The following ODAD3 variants were observed in gnomAD, a reference collection of about 807,000 sequenced individuals.
The protein encoded by ODAD3 is outer dynein arm-docking complex subunit 3.
A neutral mutation model predicts 70.9 loss-of-function variants in ODAD3; 57 were observed. The ratio of observed to expected loss-of-function variants is 0.80; its 90% confidence interval spans 0.65 to 1.00. ODAD3 has a LOEUF of 1.00. ODAD3 is among the 50% of genes least tolerant of loss of function. The pLI is 0.00. For missense variants in ODAD3, 797 were observed against 763.9 expected (o/e 1.04, Z -0.51); for synonymous variants, 327 against 315.9 (o/e 1.04, Z -0.37).
Position 11,426,199 on chromosome 19 carries a change from T to G in ODAD3, c.908A>C (p.Glu303Ala), listed in dbSNP as rs369892977. Residue 303 changes from glutamate (E) to alanine (A), a missense_variant, in exon 7 of 13, where the codon GAG becomes GCG. Transcript: ENST00000356392. ...CTTCTCCTCGGCGCGCTTCTTGCAC[T>G]CACTTATGTAGCGTTCCCGCTTCTT... ...ERKKRERYIS[E>A]CKKRAEEKKL... 3.1e-6 allele frequency: 5 copies of G among 1,613,774 alleles called. No homozygotes were observed. The African/African-American group carries it at 4.0e-5, about 13-fold the overall frequency.
At chr19:11,426,031 G>A in intron 7 of ODAD3, 113 bp downstream of exon 7, 1 of 1,397,470 alleles carries the variant, frequency 7.2e-7, no homozygotes, top group South Asian at 1.4e-5. Flanking sequence ...GAGGGGGCGG[G>A]GTTAGGAGAA....
At chr19:11,435,215 G>T, upstream of ODAD3, 1 of 1,416,324 alleles carries the variant, frequency 7.1e-7, no homozygotes. Flanking sequence ...GAGATCACCC[G>T]CGTTCCGTGG....
At chr19:11,425,489 ATG>A (rs781865430) in intron 7 of ODAD3, among the ~76,000 whole-genome samples, 4 of 139,762 alleles carry the variant, frequency 2.9e-5, no homozygotes, top group Non-Finnish European at 1.6e-5. Flanking sequence ...GTGTGTATAT[ATG>A]TATATATGTA....
chr19:11,427,050 G>T lies in ODAD3; in HGVS notation c.445-10C>A, dbSNP rs556883242. 2 of 1,565,942 alleles carry T rather than the reference G, an allele frequency of 1.3e-6. No individual in the cohort carries two copies. The highest frequency in any genetic ancestry group is 1.7e-6 in the Non-Finnish European group (2 of 1,160,866). Reference sequence around the variant, plus strand: ...CTAGGTGCTCCAGGGCCTGCCGCAAGGAGGGGAGCGAAAGCAGGAGCCTCA... The same window carrying T: ...CTAGGTGCTCCAGGGCCTGCCGCAATGAGGGGAGCGAAAGCAGGAGCCTCA... On this transcript the variant is annotated splice_polypyrimidine_tract_variant and intron_variant, in intron 3 of 12. Transcript: ENST00000356392.
intron 7 of ODAD3, among the ~76,000 whole-genome samples, chr19:11,425,386 T>TAC (rs1335873533): frequency 4.8e-5 from 6 of 123,760 alleles, no homozygotes; most frequent in South Asian, 2.4e-4. Flanking sequence ...TGTGTGTATG[T>TAC]ACATATGTGT....
chr19:11,429,699 C>T (rs1232601766), intron 3 of ODAD3, among the ~76,000 whole-genome samples: 6 of 152,154 alleles, frequency 3.9e-5, no homozygotes, highest in East Asian at 1.9e-4. Flanking sequence ...TGAGCCACCG[C>T]GCCCGGCCTT....
chr19:11,421,783 T>TA lies in ODAD3; in HGVS notation c.1483dup (p.Tyr495LeufsTer34). The stretch of plus-strand genomic sequence containing the variant: ...CACGAGGCCCAGCAGGTTTGGCACA[T>TA]AGTTATCTGCCTGGGGATCCAGCTC... On this transcript the variant is annotated frameshift_variant, in exon 11 of 13. Coordinates refer to ENST00000356392, the MANE Select transcript of ODAD3 (RefSeq NM_145045.5). LOFTEE classifies it high-confidence loss of function. 1 of 1,613,336 alleles carries TA rather than the reference T, an allele frequency of 6.2e-7. No homozygotes were observed. The highest frequency in any genetic ancestry group is 8.5e-7 in the Non-Finnish European group (1 of 1,179,972).
intron 8 of ODAD3, 94 bp downstream of exon 8, chr19:11,423,783 G>T: frequency 1.5e-6 from 2 of 1,324,570 alleles, no homozygotes; most frequent in Non-Finnish European, 2.1e-6. Context: ...AGAGAGGGGA[G>T]ACAGGGTGTG....
Position 11,422,944 on chromosome 19 carries a change from C to A in ODAD3, c.1117-83G>T. 1 of 1,481,868 alleles carries A rather than the reference C, an allele frequency of 6.7e-7. No individual in the cohort carries two copies. Among genetic ancestry groups the A allele is most frequent in the South Asian group, 1.2e-5 (1 of 81,216 alleles). 91.8% of individuals were successfully genotyped at this position (1,481,868 alleles called of 1,614,324 possible). The stretch of plus-strand genomic sequence containing the variant: ...CCTCCTCTCCCCCACCCTGCGAACC[C>A]TCGCACGCAGGACAGGTGGCCTGAG... On this transcript the variant is annotated intron_variant, in intron 8 of 12. Coordinates refer to ENST00000356392, the MANE Select transcript of ODAD3 (RefSeq NM_145045.5). This position sits in a 1 kb window ranked among gnomAD's most constrained non-coding sequence, Gnocchi z 4.6.
intron 7 of ODAD3, among the ~76,000 whole-genome samples, chr19:11,425,109 A>G (rs1213182859): frequency 1.3e-4 from 18 of 134,948 alleles, no homozygotes; most frequent in Non-Finnish European, 2.6e-4. Flanking sequence ...ATATGTATAT[A>G]TGTGTATATG....
rs1969223493 is a variant in ODAD3, at chr19:11,424,557, GTATATA to G, written c.964-534_964-529del. ...TATATATGTGTATATATACCTATGTGTATATATGTATATATGTGTATATATACCTAT... is the reference window on the plus strand; with the variant it reads ...TATATATGTGTATATATACCTATGTGTGTATATATGTGTATATATACCTAT... On this transcript the variant is annotated intron_variant, in intron 7 of 12. Transcript: ENST00000356392. Among the ~76,000 whole-genome samples the G allele has an allele frequency of 1.0e-3, 144 of 138,320 alleles. 9 individuals carry two copies. Among genetic ancestry groups the G allele is most frequent in the African/African-American group, 4.1e-3 (138 of 33,328 alleles). 90.7% of individuals were successfully genotyped at this position (138,320 alleles called of 152,430 possible).
chr19:11,426,694 C>T lies in ODAD3; in HGVS notation c.703G>A (p.Ala235Thr), dbSNP rs911990764. 2 of 1,613,920 alleles carry T rather than the reference C, an allele frequency of 1.2e-6. No homozygotes were observed. The highest frequency in any genetic ancestry group is 1.7e-6 in the Non-Finnish European group (2 of 1,179,890). ...HITSVYLQLKAYLMDESLNLE... is the reference protein window; with the variant it reads ...HITSVYLQLKTYLMDESLNLE... ...CTCCTAGTCCCTACCATTAGATAGG[C>T]CTTGAGCTGCAGGTACACGCTGGTA... The change falls in exon 5 of 13, where the codon GCC (alanine) becomes ACC (threonine). Residue 235 changes from alanine (A) to threonine (T), a missense_variant. Physicochemically the swap from Ala to Thr is moderately conservative, Grantham distance 58. Coordinates refer to ENST00000356392, the MANE Select transcript of ODAD3 (RefSeq NM_145045.5).
intron 5 of ODAD3, 50 bp downstream of exon 5, chr19:11,426,633 A>G: frequency 6.2e-7 from 1 of 1,613,456 alleles, no homozygotes; most frequent in Non-Finnish European, 8.5e-7. Context: ...GTCCCTAGCC[A>G]AGCCCGCCCT....
In ODAD3 at chr19:11,422,678, TCCCCAGAG is replaced by T. The variant is rs1484379395; in HGVS notation, c.1277+15_1277+22del. On this transcript the variant is annotated intron_variant, in intron 9 of 12. Transcript: ENST00000356392. The surrounding 1 kb of genome is among the most constrained non-coding windows in gnomAD (Gnocchi z 4.6). ...GGGGGCTCAGCCCGCCCCGCCGCCC[TCCCCAGAG>T]CCCCGGTGCCTCACCTCACCAGCGT... The T allele has an allele frequency of 3.7e-6, 6 of 1,606,996 alleles. No homozygotes were observed. The highest frequency in any genetic ancestry group is 5.1e-6 in the Non-Finnish European group (6 of 1,176,964).
chr19:11,426,578 C>A lies in ODAD3; in HGVS notation c.715-7G>T, dbSNP rs756226175. On this transcript the variant is annotated splice_region_variant and splice_polypyrimidine_tract_variant and intron_variant, in intron 5 of 12. Transcript: ENST00000356392. ...CCAAGTTGAGGCTCTCGTCCTGGGG[C>A]GTGGTGGGGAGGGGTAGCGGAGATG... The A allele has an allele frequency of 6.2e-7, 1 of 1,613,912 alleles. No individual in the cohort carries two copies. The highest frequency in any genetic ancestry group is 1.1e-5 in the South Asian group (1 of 91,070).
In ODAD3 at chr19:11,421,739, G is replaced by C. The variant is rs1334218599; in HGVS notation, c.1528C>G (p.Leu510Val). The C allele has an allele frequency of 1.2e-6, 2 of 1,613,330 alleles. No individual in the cohort carries two copies. The highest frequency in any genetic ancestry group is 1.7e-6 in the Non-Finnish European group (2 of 1,180,004). Residue 510 changes from leucine (L) to valine (V), a missense_variant, in exon 11 of 13, where the codon CTG (leucine) becomes GTG (valine). Transcript: ENST00000356392. ...LGLVEEKLLKLQAQLQGHDVQ... is the reference protein window; with the variant it reads ...LGLVEEKLLKVQAQLQGHDVQ... Reference sequence around the variant, plus strand: ...TCGTGGCCCTGGAGCTGCGCCTGCAGTTTCAGCAGCTTTTCCTCCACGAGG... The same window carrying C: ...TCGTGGCCCTGGAGCTGCGCCTGCACTTTCAGCAGCTTTTCCTCCACGAGG...
chr19:11,423,779 G>T, intron 8 of ODAD3, 98 bp downstream of exon 8: 1 of 1,273,706 alleles, frequency 7.9e-7, no homozygotes, highest in Non-Finnish European at 1.1e-6. Context: ...TGGCAGAGAG[G>T]GGAGACAGGG....
Position 11,422,842 on chromosome 19 carries a change from A to G in ODAD3, c.1136T>C (p.Leu379Pro), listed in dbSNP as rs1222941936. The G allele has an allele frequency of 6.2e-7, 1 of 1,601,790 alleles. No individual in the cohort carries two copies. The highest frequency in any genetic ancestry group is 8.5e-7 in the Non-Finnish European group (1 of 1,177,794). Reference sequence around the variant, plus strand: ...CTGCGCGAAGGTGTCGCCCTGGGCCAGGAACCGCCGCACCAACGACTGCGG... The same window carrying G: ...CTGCGCGAAGGTGTCGCCCTGGGCCGGGAACCGCCGCACCAACGACTGCGG... ...DETHSLVRRF[L>P]AQGDTFAQLE... The change falls in exon 9 of 13, where the codon CTG becomes CCG. Residue 379 changes from leucine to proline, a missense_variant. Physicochemically the swap from Leu to Pro is moderately conservative, Grantham distance 98 (BLOSUM62 -3). Coordinates refer to ENST00000356392, the MANE Select transcript of ODAD3 (RefSeq NM_145045.5). This position sits in a 1 kb window ranked among gnomAD's most constrained non-coding sequence, Gnocchi z 4.6.
upstream of ODAD3, chr19:11,435,232 C>T: frequency 2.1e-6 from 3 of 1,399,964 alleles, no homozygotes; most frequent in Non-Finnish European, 2.8e-6. Flanking sequence ...GTGGCTGACA[C>T]TGCGTTCTCA....
Sources: gnomAD v4.1 joint callset for allele counts (sites outside exome capture counted in the v4.1 genomes callset) on GRCh38, gnomAD v4.1.1 for gene constraint, Gnocchi (gnomAD v3.1) non-coding constraint, MANE v1.5 for transcripts, NCBI Gene and HGNC (gene_info 2026-07-23, HGNC 2026-07-21) for gene names.